The following RERE variants were observed in gnomAD, a reference collection of about 807,000 sequenced individuals.
The protein encoded by RERE is arginine-glutamic acid dipeptide repeats protein.
Under a neutral mutation model 146.1 loss-of-function variants are expected in RERE, and 40 were observed. The ratio of observed to expected loss-of-function variants is 0.27; its 90% CI spans 0.21 to 0.36. RERE has a LOEUF of 0.36. Ranked by LOEUF, RERE falls within the 10% of genes least tolerant of loss-of-function variation. The pLI, the probability that RERE is intolerant of heterozygous loss-of-function variation, is 1.00. For missense variants in RERE, 1,933 were observed against 2,138.7 expected, an observed-to-expected ratio of 0.90 and a Z score of 1.90; for synonymous variants, 1,003 against 866.0, an observed-to-expected ratio of 1.16 and a Z score of -2.78.
At chr1:8,368,500 G>C (rs1347064333) in intron 12 of RERE, among the ~76,000 whole-genome samples, 1 of 145,556 alleles carries the variant, frequency 6.9e-6, no homozygotes, top group Non-Finnish European at 1.5e-5. Context: ...AAAAAAAAAA[G>C]CTTGGGATGT....
At chr1:8,698,661 T>C (rs927900382) in intron 1 of RERE, among the ~76,000 whole-genome samples, 23 of 152,110 alleles carry the variant, frequency 1.5e-4, no homozygotes, top group African/African-American at 5.1e-4. Context: ...GCATAAATAC[T>C]TTACTTTTTC....
At chr1:8,402,546 T>C (rs1250127364) in intron 12 of RERE, among the ~76,000 whole-genome samples, 2 of 152,182 alleles carry the variant, frequency 1.3e-5, no homozygotes, top group Non-Finnish European at 2.9e-5. Flanking sequence ...GACTAGAGTC[T>C]CTCATGGTAA....
In RERE at chr1:8,789,686, A is replaced by C. The variant is rs531294584; in HGVS notation, c.-145+27474T>G. ...CTGTCTTCTTTGGTCTACCTAACTT[A>C]TCTGGCACTATTCCTCCCCACAAAT... On this transcript the variant is annotated intron_variant, in intron 1 of 22. Coordinates refer to ENST00000400908, the MANE Select transcript of RERE (RefSeq NM_001042681.2). Among the ~76,000 whole-genome samples the C allele has an allele frequency of 2.0e-5, 3 of 152,172 alleles. No homozygotes were observed. In the South Asian group the frequency reaches 6.2e-4, roughly 32 times the overall value.
At chr1:8,606,949 T>C (rs1258862464) in intron 4 of RERE, among the ~76,000 whole-genome samples, 1 of 152,130 alleles carries the variant, frequency 6.6e-6, no homozygotes, top group South Asian at 2.1e-4. Flanking sequence ...TTATATAGAC[T>C]CTAAAAAAGG....
At chr1:8,754,893 C>T (rs1336321475) in intron 1 of RERE, among the ~76,000 whole-genome samples, 2 of 152,198 alleles carry the variant, frequency 1.3e-5, no homozygotes, top group Non-Finnish European at 2.9e-5. Context: ...TTAACTGGCA[C>T]TTGTGTATAA....
chr1:8,524,434 T>G (rs544428363), intron 7 of RERE, among the ~76,000 whole-genome samples: 1 of 152,038 alleles, frequency 6.6e-6, no homozygotes, highest in South Asian at 2.1e-4. Flanking sequence ...CTGGAAAGAG[T>G]TGACCATGCA....
At chr1:8,560,168 A>G (rs1646061194) in intron 4 of RERE, among the ~76,000 whole-genome samples, 2 of 152,334 alleles carry the variant, frequency 1.3e-5, no homozygotes, top group Middle Eastern at 3.4e-3. Flanking sequence ...TACGCTGTCT[A>G]TAATAAGGAC....
chr1:8,472,829 T>C (rs1452826408), intron 10 of RERE, among the ~76,000 whole-genome samples: 2 of 150,794 alleles, frequency 1.3e-5, no homozygotes, highest in Admixed American at 6.6e-5. Flanking sequence ...TTCAGATTCA[T>C]CACCACAGGT....
chr1:8,365,787 C>T (rs1557591203), intron 13 of RERE, 25 bp downstream of exon 13: 1 of 1,612,630 alleles, frequency 6.2e-7, no homozygotes, highest in East Asian at 2.2e-5. Flanking sequence ...CCTCCGCCCA[C>T]TGTGATGCCA....
chr1:8,474,060 C>A lies in RERE; in HGVS notation c.1105-8037G>T, dbSNP rs541376169. 2.0e-5 allele frequency among the ~76,000 whole-genome samples: 3 copies of A among 152,302 alleles called. No individual in the cohort carries two copies. The South Asian group carries it at 6.2e-4, about 32-fold the overall frequency. On this transcript the variant is annotated intron_variant, in intron 10 of 22. Transcript: ENST00000400908. ...TGCATAATTGCCCAAGTTAAATCTG[C>A]TACTCTCACTCTGCCTGACAAATCA...
chr1:8,458,155 G>A (rs939259615), intron 11 of RERE, among the ~76,000 whole-genome samples: 1 of 152,060 alleles, frequency 6.6e-6, no homozygotes, highest in African/African-American at 2.4e-5. Context: ...ACAAGAAAAG[G>A]GTTTTCCATC....
At chr1:8,509,492 T>C (rs892403561) in intron 7 of RERE, among the ~76,000 whole-genome samples, 4 of 152,146 alleles carry the variant, frequency 2.6e-5, no homozygotes, top group Admixed American at 6.6e-5. Flanking sequence ...AAGCCAGGAA[T>C]TGTCCTAGGT....
chr1:8,384,574 A>C (rs1642575844), intron 12 of RERE, among the ~76,000 whole-genome samples: 1 of 152,218 alleles, frequency 6.6e-6, no homozygotes, highest in Non-Finnish European at 1.5e-5. Context: ...TGCTAACTCC[A>C]GATAGGAGTG....
At chr1:8,705,105 G>T (rs538278567) in intron 1 of RERE, among the ~76,000 whole-genome samples, 4 of 152,312 alleles carry the variant, frequency 2.6e-5, no homozygotes, top group South Asian at 2.1e-4. Context: ...AGGCTGAAAA[G>T]AATTTCTTTT....
Position 8,475,614 on chromosome 1 carries a change from G to T in RERE, c.1105-9591C>A, listed in dbSNP as rs866646061. On this transcript the variant is annotated intron_variant, in intron 10 of 22. Transcript: ENST00000400908. ...GAAGAATCTCTTGAACCCAGGAGGCGGAAGTTGCAGTGAGCCGAGATCACG... is the reference window on the plus strand; with the variant it reads ...GAAGAATCTCTTGAACCCAGGAGGCTGAAGTTGCAGTGAGCCGAGATCACG... Among the ~76,000 whole-genome samples the T allele has an allele frequency of 5.3e-4, 80 of 151,748 alleles. 1 individual carries two copies. Among genetic ancestry groups the T allele is most frequent in the Admixed American group, 3.9e-4 (6 of 15,240 alleles).
intron 11 of RERE, among the ~76,000 whole-genome samples, chr1:8,424,470 T>A (rs1292540756): frequency 6.6e-6 from 1 of 152,236 alleles, no homozygotes; most frequent in East Asian, 1.9e-4. Flanking sequence ...TGACTCATCA[T>A]TGTCAATTTT....
chr1:8,557,717 AT>A (rs1646024351), intron 4 of RERE, among the ~76,000 whole-genome samples, 194 bp from the exon 5 acceptor site: 1 of 152,226 alleles, frequency 6.6e-6, no homozygotes, highest in South Asian at 2.1e-4. Flanking sequence ...CCATCAATAG[AT>A]CCCTCTCACC....
intron 1 of RERE, 105 bp downstream of exon 1, chr1:8,817,055 C>T (rs1019249803): frequency 6.6e-6 from 1 of 152,268 alleles, no homozygotes; most frequent in Non-Finnish European, 1.5e-5. Flanking sequence ...CTTCCTGCCT[C>T]CCCCCGGGCG....
At chr1:8,711,187 A>AAAG (rs1639661393) in intron 1 of RERE, among the ~76,000 whole-genome samples, 1 of 138,614 alleles carries the variant, frequency 7.2e-6, no homozygotes, top group African/African-American at 2.7e-5. Flanking sequence ...AAAAAAAAAA[A>AAAG]GGGAGTGATA....
Sources: allele counts gnomAD v4.1 joint callset (sites outside exome capture counted in the v4.1 genomes callset), GRCh38; gene constraint gnomAD v4.1.1; transcripts MANE v1.5; gene names NCBI Gene and HGNC (gene_info 2026-07-23, HGNC 2026-07-21).